Variants in RAB44 observed in about 807,000 individuals in gnomAD.
RAB44 encodes ras-related protein Rab-44.
A neutral mutation model predicts 93.3 loss-of-function variants in RAB44; 67 were observed. The ratio of observed to expected loss-of-function variants is 0.72; its 90% CI spans 0.59 to 0.88. The LOEUF (loss-of-function observed/expected upper bound fraction) is 0.88. RAB44 is among the 40% of genes least tolerant of loss of function. The pLI is 0.00. For missense variants in RAB44, 1,064 were observed against 1,261.7 expected (o/e 0.84, Z 2.37); for synonymous variants, 427 against 520.3 (o/e 0.82, Z 2.44).
At chr6:36,718,317 G>A (rs968286998) in intron 6 of RAB44, among the ~76,000 whole-genome samples, 176 bp from the exon 7 acceptor site, 1 of 152,208 alleles carries the variant, frequency 6.6e-6, no homozygotes, top group Non-Finnish European at 1.5e-5. Flanking sequence ...TCTCTGCCAA[G>A]TCTCCTTGTT....
In RAB44 at chr6:36,728,812, G is replaced by A; in HGVS notation, c.2898+11G>A. The A allele has an allele frequency of 6.5e-7, 1 of 1,547,640 alleles. No individual in the cohort carries two copies. The highest frequency in any genetic ancestry group is 8.7e-7 in the Non-Finnish European group (1 of 1,144,374). ...CAGCAACTGGCCCAGGTAAGCACTTGGGCATCAGCCCGTCTCTGTGCGTGG... is the reference window on the plus strand; with the variant it reads ...CAGCAACTGGCCCAGGTAAGCACTTAGGCATCAGCCCGTCTCTGTGCGTGG... On this transcript the variant is annotated intron_variant, in intron 12 of 13. Transcript: ENST00000612677.
intron 9 of RAB44, among the ~76,000 whole-genome samples, chr6:36,725,137 A>T (rs1043875721): frequency 5.3e-5 from 8 of 152,088 alleles, no homozygotes; most frequent in African/African-American, 1.9e-4. Flanking sequence ...TCCTCTTTTC[A>T]GTTCAGAATT....
chr6:36,701,956 G>A (rs1229509352), intron 1 of RAB44, among the ~76,000 whole-genome samples: 3 of 152,152 alleles, frequency 2.0e-5, no homozygotes, highest in African/African-American at 7.2e-5. Context: ...CATATGGATT[G>A]CAGCGGGCCT....
chr6:36,703,489 G>A (rs572229691), intron 1 of RAB44, among the ~76,000 whole-genome samples: 2 of 152,276 alleles, frequency 1.3e-5, no homozygotes, highest in African/African-American at 4.8e-5. Flanking sequence ...AGAGAGTTGA[G>A]GAGTTTGGGG....
chr6:36,719,778 C>T (rs368845972), intron 7 of RAB44, among the ~76,000 whole-genome samples: 22 of 152,144 alleles, frequency 1.4e-4, no homozygotes, highest in African/African-American at 2.9e-4. Context: ...ACAGCAGGTG[C>T]GAAGGCCCTG....
At position 36,731,201 on chromosome 6, in the gene RAB44, A is replaced by C. The variant is rs148333639; in HGVS notation, c.2975+452A>C. 1.7e-4 allele frequency among the ~76,000 whole-genome samples: 26 copies of C among 151,516 alleles called. No individual in the cohort carries two copies. Among genetic ancestry groups the C allele is most frequent in the Admixed American group, 3.3e-4 (5 of 15,194 alleles). On this transcript the variant is annotated intron_variant, in intron 13 of 13. Coordinates refer to ENST00000612677, the MANE Select transcript of RAB44 (RefSeq NM_001257357.2). The surrounding 1 kb of genome is among the most constrained non-coding windows in gnomAD (Gnocchi z 4.0). ...CACACTCTTACACACACTCACACTC[A>C]CACACACACACTTGCCAAGTTCCAG...
At chr6:36,711,307 G>A (rs940062994) in intron 2 of RAB44, among the ~76,000 whole-genome samples, 2 of 152,160 alleles carry the variant, frequency 1.3e-5, no homozygotes, top group African/African-American at 4.8e-5. Context: ...TATTTGATCC[G>A]AAAGTCGAAA....
chr6:36,728,552 G>C, intron 11 of RAB44, 148 bp from the exon 12 acceptor site: 1 of 649,136 alleles, frequency 1.5e-6, no homozygotes, highest in Admixed American at 2.5e-5. Context: ...GGAAGGATGG[G>C]GGAAAGGGTC....
intron 1 of RAB44, among the ~76,000 whole-genome samples, chr6:36,699,120 C>G (rs920356839): frequency 2.0e-5 from 3 of 152,126 alleles, no homozygotes; most frequent in Non-Finnish European, 4.4e-5. Flanking sequence ...CCCCAGGCCA[C>G]CTGTCAGGCA....
Position 36,732,065 on chromosome 6 carries a change from C to T in RAB44, c.3038C>T (p.Pro1013Leu), listed in dbSNP as rs1005606124. ...DSLVKVAPKRPPKRFGCCS is the reference protein window; with the variant it reads ...DSLVKVAPKRLPKRFGCCS Reference sequence around the variant, plus strand: ...CTGGTGAAGGTGGCCCCCAAGAGGCCGCCCAAGAGATTCGGCTGTTGCTCC... The same window carrying T: ...CTGGTGAAGGTGGCCCCCAAGAGGCTGCCCAAGAGATTCGGCTGTTGCTCC... Residue 1013 changes from proline to leucine, a missense_variant, in exon 14 of 14, where the codon CCG becomes CTG. Coordinates refer to ENST00000612677, the MANE Select transcript of RAB44 (RefSeq NM_001257357.2). The T allele has an allele frequency of 8.1e-6, 10 of 1,234,378 alleles. No individual in the cohort carries two copies. In the South Asian group the frequency reaches 1.2e-4, roughly 15 times the overall value. The allele number at this position is 1,234,378 out of a possible 1,614,324, so 76.5% of individuals were successfully genotyped here.
At chr6:36,704,178 G>C in intron 1 of RAB44, 46 bp from the exon 2 acceptor site, 1 of 1,472,038 alleles carries the variant, frequency 6.8e-7, no homozygotes, top group Non-Finnish European at 9.2e-7. Flanking sequence ...CCATGAGAGG[G>C]CGTGACTGTC....
At chr6:36,704,773 A>T (rs1180341026) in intron 2 of RAB44, among the ~76,000 whole-genome samples, 1 of 152,204 alleles carries the variant, frequency 6.6e-6, no homozygotes, top group Non-Finnish European at 1.5e-5. Flanking sequence ...CATGTCAATG[A>T]CTGTAAACTT....
intron 2 of RAB44, 141 bp downstream of exon 2, chr6:36,704,583 G>A (rs1762597491): frequency 1.4e-6 from 1 of 720,468 alleles, no homozygotes; most frequent in Non-Finnish European, 2.3e-6. Context: ...CTAGGGATGT[G>A]TTTATACTAA....
chr6:36,729,321 G>C (rs1262153123), intron 12 of RAB44, among the ~76,000 whole-genome samples: 1 of 152,082 alleles, frequency 6.6e-6, no homozygotes, highest in African/African-American at 2.4e-5. Context: ...AATCTGGAGA[G>C]TAATAAAAAT....
At chr6:36,704,534 C>G in intron 2 of RAB44, 92 bp downstream of exon 2, 11 of 1,160,342 alleles carry the variant, frequency 9.5e-6, no homozygotes, top group South Asian at 1.4e-5. Flanking sequence ...GGGCTTGCTA[C>G]CCCTGCCCCT....
chr6:36,702,955 C>T (rs1762548822), intron 1 of RAB44, among the ~76,000 whole-genome samples: 2 of 152,166 alleles, frequency 1.3e-5, no homozygotes. Flanking sequence ...GCAGTATGGA[C>T]CTAGATAAAC....
Position 36,720,566 on chromosome 6 carries a change from C to T in RAB44, c.1016+16C>T, listed in dbSNP as rs555230227. ...AGAAACTGAGGCAAGTGGCTGCTAT[C>T]CCTGGACTGGGGTGGACTCTAAGGG... On this transcript the variant is annotated intron_variant, in intron 8 of 13. Transcript: ENST00000612677. 87 of 1,233,990 alleles carry T rather than the reference C, an allele frequency of 7.1e-5. No homozygotes were observed. The highest frequency in any genetic ancestry group is 8.6e-5 in the Non-Finnish European group (85 of 988,024). 76.4% of individuals were successfully genotyped at this position (1,233,990 alleles called of 1,614,324 possible).
In RAB44 at chr6:36,722,532, A is replaced by C; in HGVS notation, c.2398A>C (p.Arg800=). 2.6e-6 allele frequency: 4 copies of C among 1,535,872 alleles called. No homozygotes were observed. Among genetic ancestry groups the C allele is most frequent in the Non-Finnish European group, 3.5e-6 (4 of 1,138,854 alleles). ...PHSREPRAES[R]LEDPGMDSRE... The stretch of plus-strand genomic sequence containing the variant: ...CTCCAGGGAACCAAGGGCAGAGAGC[A>C]GGCTTGAAGATCCAGGAATGGACTC... Residue 800 remains arginine, a synonymous_variant, in exon 9 of 14, where the codon AGG becomes CGG. Transcript: ENST00000612677.
chr6:36,728,770 T>G lies in RAB44; in HGVS notation c.2867T>G (p.Val956Gly). The change falls in exon 12 of 14, where the codon GTG becomes GGG. Residue 956 changes from valine (V) to glycine (G), a missense_variant. Physicochemically the swap from Val to Gly is moderately radical, Grantham distance 109. Transcript: ENST00000612677. ...NKMDCEEERQ[V>G]SVEAGQQLAQ... ...ATGGACTGTGAGGAGGAACGGCAAG[T>G]GTCCGTGGAAGCTGGGCAGCAACTG... 1 of 1,550,568 alleles carries G rather than the reference T, an allele frequency of 6.4e-7. No homozygotes were observed. The highest frequency in any genetic ancestry group is 8.7e-7 in the Non-Finnish European group (1 of 1,146,972).
Sources: gnomAD v4.1 joint callset for allele counts (sites outside exome capture counted in the v4.1 genomes callset) on GRCh38, gnomAD v4.1.1 for gene constraint, Gnocchi (gnomAD v3.1) non-coding constraint, MANE v1.5 for transcripts, NCBI Gene and HGNC (gene_info 2026-07-23, HGNC 2026-07-21) for gene names.